The following USP50 variants were observed in gnomAD, a reference collection of about 807,000 sequenced individuals.
The protein encoded by USP50 is ubiquitin carboxyl-terminal hydrolase 50.
In USP50, 37 loss-of-function variants were observed where a neutral mutation model predicts 39.2. That is an observed-to-expected ratio of 0.94 (90% confidence interval 0.73 to 1.24). The LOEUF (loss-of-function observed/expected upper bound fraction) is 1.24, where lower values mean the gene tolerates loss of function less well. Among genes scored for constraint, USP50 ranks in the 50% most tolerant of loss-of-function variants. The pLI is 0.00. For missense variants in USP50, 374 were observed against 398.2 expected, an observed-to-expected ratio of 0.94 and a Z score of 0.52; for synonymous variants, 139 against 144.5, an observed-to-expected ratio of 0.96 and a Z score of 0.27.
At chr15:50,531,531 T>A (rs995475566) in intron 5 of USP50, among the ~76,000 whole-genome samples, 3 of 152,066 alleles carry the variant, frequency 2.0e-5, no homozygotes, top group Non-Finnish European at 4.4e-5. Context: ...TTCTATAGGC[T>A]TAGGGAGGAG....
intron 6 of USP50, chr15:50,509,112 GACA>G (rs2052703498): frequency 8.8e-6 from 1 of 113,048 alleles, no homozygotes; most frequent in African/African-American, 3.4e-5. Context: ...CAGCCTGGGC[GACA>G]GAGCGAGACT....
At chr15:50,496,212 G>C (rs1338605487), downstream of USP50, 105 of 737,258 alleles carry the variant, frequency 1.4e-4, 1 homozygote, top group Admixed American at 3.0e-3. Flanking sequence ...CGGGCGCAGT[G>C]GCTCATACCT....
In USP50 at chr15:50,500,999, A is replaced by G. The variant is rs1285337904; in HGVS notation, c.937-162T>C. On this transcript the variant is annotated intron_variant, in intron 6 of 6. Transcript: ENST00000532404. ...ATCATGCATATAGCCTGACTGCTAT[A>G]TTGCTTCTCATTTCATTGTAACTAC... 3 of 588,864 alleles carry G rather than the reference A, an allele frequency of 5.1e-6. No homozygotes were observed. In the African/African-American group the frequency reaches 5.6e-5, roughly 11 times the overall value. The allele number at this position is 588,864 out of a possible 1,614,324, so 36.5% of individuals were successfully genotyped here.
chr15:50,494,629 T>C (rs2052303898), intron 1 of USP50, among the ~76,000 whole-genome samples: 3 of 152,280 alleles, frequency 2.0e-5, no homozygotes, highest in Admixed American at 6.5e-5. Flanking sequence ...ATATAATATG[T>C]ATATGTTATT....
At chr15:50,546,332 A>G in intron 1 of USP50, 141 bp downstream of exon 1, 1 of 783,344 alleles carries the variant, frequency 1.3e-6, no homozygotes, top group Admixed American at 2.3e-5. Flanking sequence ...ATTAGGTACA[A>G]TCTTCCTTCC....
intron 6 of USP50, chr15:50,513,306 T>C (rs948642227): frequency 1.1e-4 from 17 of 152,026 alleles, no homozygotes; most frequent in African/African-American, 3.4e-4. Flanking sequence ...GAAATATCAA[T>C]AGGAAAATGG....
chr15:50,508,443 T>A (rs1414823499), intron 6 of USP50: 2 of 152,200 alleles, frequency 1.3e-5, no homozygotes, highest in Non-Finnish European at 2.9e-5. Flanking sequence ...ATTTTGTATA[T>A]GTTTGAAATA....
At chr15:50,526,890 G>A (rs927133776) in intron 6 of USP50, among the ~76,000 whole-genome samples, 16 of 152,314 alleles carry the variant, frequency 1.1e-4, no homozygotes, top group Non-Finnish European at 2.4e-4. Context: ...TCGTAGGCTA[G>A]AATAAGGATT....
At chr15:50,521,525 AG>A (rs1336336860) in intron 6 of USP50, among the ~76,000 whole-genome samples, 3 of 152,246 alleles carry the variant, frequency 2.0e-5, no homozygotes, top group Non-Finnish European at 4.4e-5. Flanking sequence ...TAGCAGAAGG[AG>A]GGAAATAACA....
downstream of USP50, chr15:50,493,543 C>T (rs1189757166): frequency 3.9e-6 from 2 of 510,916 alleles, no homozygotes; most frequent in Non-Finnish European, 7.8e-6. Context: ...ACTTGGGGCC[C>T]AGGAGTTTGA....
intron 6 of USP50, among the ~76,000 whole-genome samples, chr15:50,526,769 G>GTTCA (rs1189481888): frequency 6.6e-6 from 1 of 152,122 alleles, no homozygotes; most frequent in African/African-American, 2.4e-5. Context: ...GCCTGCCTGG[G>GTTCA]TTCAGATCTT....
At chr15:50,494,026 T>A in exon 2 of USP50, 1 of 1,589,790 alleles carries the variant, frequency 6.3e-7, no homozygotes, top group Non-Finnish European at 8.6e-7. Context: ...GCTTAACTTT[T>A]AAATTTCCTT....
chr15:50,497,860 AATTTTTGTGTCAAAAAAGC>A (rs2052477329), downstream of USP50, among the ~76,000 whole-genome samples: 1 of 152,182 alleles, frequency 6.6e-6, no homozygotes, highest in Non-Finnish European at 1.5e-5. Flanking sequence ...TGAGAGCTGT[AATTTTTGTGTCAAAAAAGC>A]ATTTCTGTTA....
chr15:50,521,984 G>A (rs2052854741), intron 6 of USP50, among the ~76,000 whole-genome samples: 1 of 152,060 alleles, frequency 6.6e-6, no homozygotes, highest in African/African-American at 2.4e-5. Flanking sequence ...AGAAACAAAA[G>A]AGGACACATT....
downstream of USP50, chr15:50,496,049 C>T: frequency 6.2e-7 from 1 of 1,613,558 alleles, no homozygotes; most frequent in Non-Finnish European, 8.5e-7. Context: ...GTATTTGTCT[C>T]TACCACTAGC....
intron 6 of USP50, chr15:50,506,152 G>T (rs72738983): frequency 0.037 from 5,643 of 151,794 alleles, 153 homozygotes; most frequent in African/African-American, 0.063. Flanking sequence ...GGAAAATAAA[G>T]AAAGCTTTAT....
At chr15:50,496,021 G>A, downstream of USP50, 2 of 1,613,926 alleles carry the variant, frequency 1.2e-6, no homozygotes, top group Non-Finnish European at 1.7e-6. Flanking sequence ...AAAAGTCTAG[G>A]ACATTTGAGG....
chr15:50,527,367 G>A (rs2052906575), intron 6 of USP50, among the ~76,000 whole-genome samples: 2 of 151,666 alleles, frequency 1.3e-5, no homozygotes, highest in African/African-American at 4.9e-5. Context: ...ACCACGCCTG[G>A]CTAATTTTTT....
intron 3 of USP50, among the ~76,000 whole-genome samples, 159 bp from the exon 4 acceptor site, chr15:50,541,423 G>GT (rs1322925052): frequency 6.6e-6 from 1 of 152,158 alleles, no homozygotes; most frequent in East Asian, 1.9e-4. Flanking sequence ...TGAGGTTGGA[G>GT]GATCAGTTGA....
Sources: gnomAD v4.1 joint callset for allele counts (sites outside exome capture counted in the v4.1 genomes callset) on GRCh38, gnomAD v4.1.1 for gene constraint, MANE v1.5 for transcripts, NCBI Gene and HGNC (gene_info 2026-07-23, HGNC 2026-07-21) for gene names.